Variants in RABGAP1L observed in about 807,000 individuals in gnomAD.
RABGAP1L encodes RAB GTPase activating protein 1 like, also known as rab GTPase-activating protein 1-like.
Under a neutral mutation model 137.7 loss-of-function variants are expected in RABGAP1L, and 63 were observed. The ratio of observed to expected loss-of-function variants is 0.46; its 90% CI spans 0.37 to 0.56. The LOEUF is 0.56. Among genes scored for constraint, RABGAP1L ranks in the 20% least tolerant of loss-of-function variants. RABGAP1L has a pLI of 0.00. For synonymous variants in RABGAP1L, 431 were observed against 433.7 expected, an observed-to-expected ratio of 0.99 and a Z score of 0.08; for missense variants, 1,095 against 1,244.0, an observed-to-expected ratio of 0.88 and a Z score of 1.80.
At chr1:174,162,775 C>CT (rs1571316527) in intron 1 of RABGAP1L, among the ~76,000 whole-genome samples, 17 of 23,422 alleles carry the variant, frequency 7.3e-4, no homozygotes, top group East Asian at 5.6e-3. Flanking sequence ...TTTTCTCTTT[C>CT]TGTTTTTTTT....
chr1:174,245,897 A>T (rs1187715836), intron 5 of RABGAP1L: 1 of 152,064 alleles, frequency 6.6e-6, no homozygotes, highest in Non-Finnish European at 1.5e-5. Context: ...CAGCCTCCCA[A>T]AGTGCTGGGA....
intron 13 of RABGAP1L, among the ~76,000 whole-genome samples, chr1:174,619,789 A>G (rs909760214): frequency 2.0e-5 from 3 of 152,204 alleles, no homozygotes; most frequent in Admixed American, 6.5e-5. Context: ...ACAGATAACA[A>G]TATTAACTTT....
chr1:174,160,166 T>A (rs1042968195), intron 1 of RABGAP1L, among the ~76,000 whole-genome samples: 2 of 152,186 alleles, frequency 1.3e-5, no homozygotes, highest in Non-Finnish European at 2.9e-5. Context: ...CTGCTGTTGA[T>A]GCTTGTGGTT....
At chr1:174,714,895 T>C (rs1279395462) in intron 17 of RABGAP1L, among the ~76,000 whole-genome samples, 1 of 152,204 alleles carries the variant, frequency 6.6e-6, no homozygotes, top group African/African-American at 2.4e-5. Context: ...TAATGTTGAC[T>C]GCATTGAAAG....
intron 7 of RABGAP1L, among the ~76,000 whole-genome samples, chr1:174,259,198 G>A (rs971151561): frequency 6.6e-6 from 1 of 152,030 alleles, no homozygotes; most frequent in African/African-American, 2.4e-5. Context: ...TTATACTGCA[G>A]TTGTCTGTCT....
intron 19 of RABGAP1L, among the ~76,000 whole-genome samples, chr1:174,846,286 T>C (rs2148965187): frequency 6.8e-6 from 1 of 146,816 alleles, no homozygotes; most frequent in African/African-American, 2.5e-5. Context: ...ATGTGTTTGC[T>C]CTTGCTTTTC....
intron 18 of RABGAP1L, among the ~76,000 whole-genome samples, chr1:174,796,710 A>G (rs894250323): frequency 6.6e-6 from 1 of 152,178 alleles, no homozygotes; most frequent in Non-Finnish European, 1.5e-5. Flanking sequence ...TGGTTTGCTC[A>G]TTAAGATAAC....
intron 19 of RABGAP1L, among the ~76,000 whole-genome samples, chr1:174,949,420 A>G (rs1241649055): frequency 6.6e-6 from 1 of 152,172 alleles, no homozygotes; most frequent in Non-Finnish European, 1.5e-5. Flanking sequence ...AACAAGATAG[A>G]TATTTTTGAG....
At chr1:174,957,950 C>G in intron 20 of RABGAP1L, 3 of 1,573,484 alleles carry the variant, frequency 1.9e-6, no homozygotes, top group Non-Finnish European at 8.6e-7. Flanking sequence ...TCATAAGAAG[C>G]TGAGAGAAAG....
chr1:174,595,629 G>C (rs1278227191), intron 13 of RABGAP1L, among the ~76,000 whole-genome samples: 1 of 150,274 alleles, frequency 6.7e-6, no homozygotes, highest in East Asian at 2.0e-4. Context: ...AGGTGTCAGT[G>C]TGCCCCTGCT....
chr1:174,754,728 C>A (rs1369703419), intron 18 of RABGAP1L, among the ~76,000 whole-genome samples: 1 of 152,118 alleles, frequency 6.6e-6, no homozygotes, highest in East Asian at 1.9e-4. Context: ...TCTCAAACTC[C>A]TGGACTCAAG....
At chr1:174,485,541 A>G (rs139779585) in intron 13 of RABGAP1L, among the ~76,000 whole-genome samples, 86 of 152,204 alleles carry the variant, frequency 5.7e-4, no homozygotes, top group Middle Eastern at 3.4e-3. Flanking sequence ...GAGGGTTTTT[A>G]CCATGAAGGG....
intron 5 of RABGAP1L, among the ~76,000 whole-genome samples, chr1:174,248,612 G>A (rs890751034): frequency 1.3e-5 from 2 of 152,118 alleles, no homozygotes; most frequent in Non-Finnish European, 2.9e-5. Context: ...GTAATCATTG[G>A]TTAATGGGTA....
At chr1:174,836,175 T>A (rs1692728147) in intron 19 of RABGAP1L, among the ~76,000 whole-genome samples, 1 of 152,212 alleles carries the variant, frequency 6.6e-6, no homozygotes, top group Admixed American at 6.5e-5. Flanking sequence ...ATTTCTTTTC[T>A]CTTTTTTTTC....
intron 13 of RABGAP1L, among the ~76,000 whole-genome samples, chr1:174,473,583 TAGAA>T (rs1658179224): frequency 6.6e-6 from 1 of 152,184 alleles, no homozygotes; most frequent in Non-Finnish European, 1.5e-5. Context: ...TGCTAGTTAA[TAGAA>T]AGATAGTTTT....
At chr1:174,901,601 A>G (rs57512007) in intron 19 of RABGAP1L, among the ~76,000 whole-genome samples, 1 of 152,144 alleles carries the variant, frequency 6.6e-6, no homozygotes, top group Non-Finnish European at 1.5e-5. Flanking sequence ...CAGCCAAACC[A>G]TATCAGGTTA....
At chr1:174,172,812 T>C (rs747280212) in intron 1 of RABGAP1L, among the ~76,000 whole-genome samples, 2 of 152,200 alleles carry the variant, frequency 1.3e-5, no homozygotes, top group African/African-American at 2.4e-5. Context: ...ATAGGCTGCC[T>C]TTTCATTTTG....
chr1:174,233,058 T>A (rs377395595), intron 4 of RABGAP1L, among the ~76,000 whole-genome samples: 32 of 152,286 alleles, frequency 2.1e-4, no homozygotes, highest in South Asian at 1.5e-3. Flanking sequence ...GAGGGCCTGC[T>A]TCCTGGTTCA....
chr1:174,632,509 C>G (rs1002347936), intron 13 of RABGAP1L, among the ~76,000 whole-genome samples: 1 of 150,556 alleles, frequency 6.6e-6, no homozygotes, highest in East Asian at 1.9e-4. Context: ...GTTCCATTCT[C>G]TGCATCACTT....
Sources: gnomAD v4.1 joint callset for allele counts (sites outside exome capture counted in the v4.1 genomes callset) on GRCh38, gnomAD v4.1.1 for gene constraint, MANE v1.5 for transcripts, NCBI Gene and HGNC (gene_info 2026-07-23, HGNC 2026-07-21) for gene names.